Variants in ASB18 observed in about 807,000 individuals in gnomAD.
ASB18 encodes the protein ankyrin repeat and SOCS box protein 18.
ASB18 carries 33 observed loss-of-function variants against 33.4 expected under a neutral mutation model. The ratio of observed to expected loss-of-function variants is 0.99; its 90% CI spans 0.75 to 1.32. The LOEUF (loss-of-function observed/expected upper bound fraction) is 1.32. Among genes scored for constraint, ASB18 ranks in the 40% most tolerant of loss-of-function variants. The pLI is 0.00. For missense variants in ASB18, 694 were observed against 655.5 expected (o/e 1.06, Z -0.64); for synonymous variants, 295 against 307.6 (o/e 0.96, Z 0.43).
chr2:236,261,367 G>C (rs532120180), intron 1 of ASB18, among the ~76,000 whole-genome samples: 1 of 152,278 alleles, frequency 6.6e-6, no homozygotes, highest in African/African-American at 2.4e-5. Context: ...CTCCCAGCTA[G>C]ACTCATCTCC....
rs1156838199 is a variant in ASB18 at position 236,250,510 on chromosome 2, T to C, written c.206-9108A>G. ...AATTCCGTGCATTCTTTCTTAAATA[T>C]GCCAGCGCACGTTGTTGACCTGGTC... is the stretch of plus-strand genomic sequence containing the variant. On this transcript the variant is annotated intron_variant, in intron 1 of 5. Coordinates refer to ENST00000409749, the MANE Select transcript of ASB18 (RefSeq NM_212556.4). The surrounding 1 kb of genome is among the most constrained non-coding windows in gnomAD (Gnocchi z 4.1). The C allele has an allele frequency of 1.3e-5, 2 of 152,252 alleles. No homozygotes were observed. Among genetic ancestry groups the C allele is most frequent in the Non-Finnish European group, 2.9e-5 (2 of 68,046 alleles). 9.4% of individuals were successfully genotyped at this position (152,252 alleles called of 1,614,324 possible). A position where few individuals can be genotyped will look rare whatever the true frequency, so the allele number is the denominator to read the frequency against.
At chr2:236,243,019 TCAAAAAAAAAAAAAAAAAAA>T (rs1225557373) in intron 1 of ASB18, among the ~76,000 whole-genome samples, 7 of 28,804 alleles carry the variant, frequency 2.4e-4, no homozygotes, top group Non-Finnish European at 3.4e-4. Context: ...AGACCCTGTC[TCAAAAAAAAAAAAAAAAAAA>T]AAAAAAAAGG....
intron 3 of ASB18, among the ~76,000 whole-genome samples, chr2:236,227,001 T>C (rs1284975586): frequency 2.0e-5 from 3 of 152,336 alleles, no homozygotes; most frequent in African/African-American, 7.2e-5. Flanking sequence ...AACCAAACTG[T>C]TGACTTTATT....
chr2:236,207,031 A>G (rs941309318), intron 4 of ASB18, among the ~76,000 whole-genome samples: 3 of 152,012 alleles, frequency 2.0e-5, no homozygotes, highest in African/African-American at 7.2e-5. Context: ...AGAGAGAAAT[A>G]CCCTGGTTTC....
At chr2:236,242,106 T>A (rs905438153) in intron 1 of ASB18, among the ~76,000 whole-genome samples, 4 of 152,204 alleles carry the variant, frequency 2.6e-5, no homozygotes, top group Non-Finnish European at 5.9e-5. Flanking sequence ...CATATTTATT[T>A]CTTTACTCCC....
intron 4 of ASB18, among the ~76,000 whole-genome samples, chr2:236,202,423 C>T (rs999626156): frequency 2.6e-5 from 4 of 151,918 alleles, no homozygotes; most frequent in Non-Finnish European, 5.9e-5. Flanking sequence ...CCTTTGTTTT[C>T]CGGTTCTGTT....
chr2:236,225,311 C>G lies in ASB18; in HGVS notation c.597-10445G>C, dbSNP rs536379229. ...TAATTTTTGCAGAGATGGGGTCTCA[C>G]TATGTTGCCCAGGCTGGTCTCAAAC... is the stretch of plus-strand genomic sequence containing the variant. On this transcript the variant is annotated intron_variant, in intron 3 of 5. Coordinates refer to ENST00000409749, the MANE Select transcript of ASB18 (RefSeq NM_212556.4). This position sits in a 1 kb window ranked among gnomAD's most constrained non-coding sequence, Gnocchi z 5.1. Among the ~76,000 whole-genome samples the G allele has an allele frequency of 6.6e-6, 1 of 152,100 alleles. No homozygotes were observed. The highest frequency in any genetic ancestry group is 6.5e-5 in the Admixed American group (1 of 15,268).
In ASB18 at chr2:236,260,377, G is replaced by A. The variant is rs2060712293; in HGVS notation, c.205+3764C>T. ...TTCCTCTTCACATTCCTCCTCTCAG[G>A]GATTTCGGTGTTTGACAGTGTCCAT... On this transcript the variant is annotated intron_variant, in intron 1 of 5. Transcript: ENST00000409749. The surrounding 1 kb of genome is among the most constrained non-coding windows in gnomAD (Gnocchi z 5.1). 6.6e-6 allele frequency among the ~76,000 whole-genome samples: 1 copy of A among 152,120 alleles called. No homozygotes were observed. Among genetic ancestry groups the A allele is most frequent in the South Asian group, 2.1e-4 (1 of 4,818 alleles).
rs1356265078 is a variant in ASB18 at position 236,196,706 on chromosome 2, GC to G, written c.1102-322del. On this transcript the variant is annotated intron_variant, in intron 4 of 5. Transcript: ENST00000409749. The surrounding 1 kb of genome is among the most constrained non-coding windows in gnomAD (Gnocchi z 5.6). ...GCTGGTGGCTTGGCAGGCCTCCTTG[GC>G]CCCCAGAGAGCTGCTCAGAGAAAAG... 2.6e-5 allele frequency among the ~76,000 whole-genome samples: 4 copies of G among 152,172 alleles called. No homozygotes were observed. Among genetic ancestry groups the G allele is most frequent in the Non-Finnish European group, 5.9e-5 (4 of 68,030 alleles).
At position 236,195,507 on chromosome 2, in the gene ASB18, C is replaced by G. The variant is rs1184000362; in HGVS notation, c.1216-450G>C. Among the ~76,000 whole-genome samples, 4 of 150,786 alleles carry G rather than the reference C, an allele frequency of 2.7e-5. No individual in the cohort carries two copies. ...AGTGAAACAGAAAAAACACACACAA[C>G]TCTTCTCACTCTCTTTTTTTTTTTT... On this transcript the variant is annotated intron_variant, in intron 5 of 5. Transcript: ENST00000409749. The surrounding 1 kb of genome is among the most constrained non-coding windows in gnomAD (Gnocchi z 5.5).
rs1443216638 is a variant in ASB18, at chr2:236,263,302, G to A, written c.205+839C>T. On this transcript the variant is annotated intron_variant, in intron 1 of 5. Coordinates refer to ENST00000409749, the MANE Select transcript of ASB18 (RefSeq NM_212556.4). The surrounding 1 kb of genome is among the most constrained non-coding windows in gnomAD (Gnocchi z 4.0). ...TCCTGCCCAAGACCCAAATAGACAG[G>A]TCTTGCACCTGATGAGGCCTACAAA... Among the ~76,000 whole-genome samples the A allele has an allele frequency of 6.6e-6, 1 of 152,170 alleles. No homozygotes were observed. The highest frequency in any genetic ancestry group is 1.5e-5 in the Non-Finnish European group (1 of 68,020).
rs902514883 is a variant in ASB18, at chr2:236,239,650, C to A, written c.328+1630G>T. ...TGTCAGTGCTCTCTATGACTGTGGGCTGGATGGGCCAGCATTCTATCACGG... is the reference window on the plus strand; with the variant it reads ...TGTCAGTGCTCTCTATGACTGTGGGATGGATGGGCCAGCATTCTATCACGG... On this transcript the variant is annotated intron_variant, in intron 2 of 5. Transcript: ENST00000409749. This position sits in a 1 kb window ranked among gnomAD's most constrained non-coding sequence, Gnocchi z 5.6. Among the ~76,000 whole-genome samples, 24 of 152,222 alleles carry A rather than the reference C, an allele frequency of 1.6e-4. No individual in the cohort carries two copies. Among genetic ancestry groups the A allele is most frequent in the African/African-American group, 5.8e-4 (24 of 41,460 alleles).
At position 236,196,447 on chromosome 2, in the gene ASB18, A is replaced by AG; in HGVS notation, c.1102-63dup. 1.3e-5 allele frequency: 9 copies of AG among 683,866 alleles called. No homozygotes were observed. Among genetic ancestry groups the AG allele is most frequent in the Non-Finnish European group, 1.8e-5 (7 of 386,858 alleles). The allele number at this position is 683,866 out of a possible 1,614,324, so 42.4% of individuals were successfully genotyped here. On this transcript the variant is annotated intron_variant, in intron 4 of 5. Transcript: ENST00000409749. The surrounding 1 kb of genome is among the most constrained non-coding windows in gnomAD (Gnocchi z 5.6). ...CTGGGTTCTGGGTCTCAGTGGGGAA[A>AG]GGGTGGGGGGTGTGGGGGGATGCTC... is the stretch of plus-strand genomic sequence containing the variant.
rs1050041558 is a variant in ASB18, at chr2:236,235,875, G to A, written c.596+1814C>T. On this transcript the variant is annotated intron_variant, in intron 3 of 5. Coordinates refer to ENST00000409749, the MANE Select transcript of ASB18 (RefSeq NM_212556.4). The surrounding 1 kb of genome is among the most constrained non-coding windows in gnomAD (Gnocchi z 6.2). ...TGCCTGGGTAATTTTTGTATTTTTTGTAGAGATGGGGTTTTGCCGTGTTGC... is the reference window on the plus strand; with the variant it reads ...TGCCTGGGTAATTTTTGTATTTTTTATAGAGATGGGGTTTTGCCGTGTTGC... Among the ~76,000 whole-genome samples the A allele has an allele frequency of 6.6e-6, 1 of 152,210 alleles. No individual in the cohort carries two copies. The highest frequency in any genetic ancestry group is 1.9e-4 in the East Asian group (1 of 5,182).
rs758343256 is a variant in ASB18, at chr2:236,257,108, T to C, written c.205+7033A>G. ...GTGAATCAATTCAGGCAGCGCATAA[T>C]TGAGTCTGTTAGCAAGGACTTTAGC... On this transcript the variant is annotated intron_variant, in intron 1 of 5. Transcript: ENST00000409749. The surrounding 1 kb of genome is among the most constrained non-coding windows in gnomAD (Gnocchi z 5.5). Among the ~76,000 whole-genome samples, 19 of 152,218 alleles carry C rather than the reference T, an allele frequency of 1.2e-4. No individual in the cohort carries two copies. Among genetic ancestry groups the C allele is most frequent in the Admixed American group, 3.3e-4 (5 of 15,286 alleles).
chr2:236,206,178 T>TG (rs1430646881), intron 4 of ASB18, among the ~76,000 whole-genome samples: 1 of 147,668 alleles, frequency 6.8e-6, no homozygotes, highest in African/African-American at 2.6e-5. Flanking sequence ...ACTTTCTCTT[T>TG]TAGTTTCTTG....
intron 1 of ASB18, chr2:236,247,724 T>G (rs2060651351): frequency 1.3e-5 from 2 of 152,238 alleles, no homozygotes; most frequent in South Asian, 4.1e-4. Flanking sequence ...ACGTATCCAA[T>G]GCAACTTCTT....
intron 4 of ASB18, among the ~76,000 whole-genome samples, chr2:236,212,187 C>T (rs1298290961): frequency 6.6e-6 from 1 of 152,200 alleles, no homozygotes; most frequent in Non-Finnish European, 1.5e-5. Flanking sequence ...TCTAAACCTA[C>T]CCCCAACCTG....
Position 236,196,094 on chromosome 2 carries a change from G to A in ASB18, c.1215+178C>T. On this transcript the variant is annotated intron_variant, in intron 5 of 5. Transcript: ENST00000409749. The surrounding 1 kb of genome is among the most constrained non-coding windows in gnomAD (Gnocchi z 5.6). ...CAACTACTATAACAAGCTCCTGGCTGTGTGATTATGGAGCCTCCAGAAAAA... is the reference window on the plus strand; with the variant it reads ...CAACTACTATAACAAGCTCCTGGCTATGTGATTATGGAGCCTCCAGAAAAA... 1.6e-6 allele frequency: 1 copy of A among 642,220 alleles called. No homozygotes were observed. 39.8% of individuals were successfully genotyped at this position (642,220 alleles called of 1,614,324 possible). A position where few individuals can be genotyped will look rare whatever the true frequency, so the allele number is the denominator to read the frequency against.
Sources: allele counts gnomAD v4.1 joint callset (sites outside exome capture counted in the v4.1 genomes callset), GRCh38; gene constraint gnomAD v4.1.1; non-coding constraint Gnocchi (gnomAD v3.1); transcripts MANE v1.5; gene names NCBI Gene and HGNC (gene_info 2026-07-23, HGNC 2026-07-21).